Variants in INHBA observed in about 807,000 individuals in gnomAD.
INHBA encodes the protein inhibin subunit beta A.
A neutral mutation model predicts 29.0 loss-of-function variants in INHBA; 1 was observed. The ratio of observed to expected loss-of-function variants is 0.03; its 90% CI spans 0.01 to 0.16. The LOEUF is 0.16. INHBA is among the 10% of genes least tolerant of loss of function. The probability of loss-of-function intolerance (pLI) is 1.00; values close to 1 mark genes in which losing one functional copy is unlikely to be tolerated. For missense variants in INHBA, 376 were observed against 545.4 expected (o/e 0.69, Z 3.09); for synonymous variants, 242 against 216.8 (o/e 1.12, Z -1.02).
At chr7:41,692,083 A>G (rs888250298) in intron 2 of INHBA, 1 of 152,244 alleles carries the variant, frequency 6.6e-6, no homozygotes, top group Admixed American at 6.5e-5. Context: ...TGTATGTTTA[A>G]TGACACAGCA....
Position 41,687,383 on chromosome 7 carries a change from A to C in INHBA, c.*2267T>G, listed in dbSNP as rs1440916847. 2 of 152,118 alleles carry C rather than the reference A, an allele frequency of 1.3e-5. No homozygotes were observed. The highest frequency in any genetic ancestry group is 2.9e-5 in the Non-Finnish European group (2 of 67,998). 9.4% of individuals were successfully genotyped at this position (152,118 alleles called of 1,614,324 possible). A position where few individuals can be genotyped will look rare whatever the true frequency, so the allele number is the denominator to read the frequency against. On this transcript the variant is annotated 3_prime_UTR_variant, in exon 3 of 3. Transcript: ENST00000242208. ...TCCCAATTATTAGAAACTTTTTTCC[A>C]TTTTTCAAAATGTTTGCCAACTTCA...
At chr7:41,692,939 AG>A (rs952009205) in intron 2 of INHBA, among the ~76,000 whole-genome samples, 7 of 152,238 alleles carry the variant, frequency 4.6e-5, no homozygotes, top group African/African-American at 1.7e-4. Context: ...GGTCCTGCCA[AG>A]GCCTTAGGAG....
At chr7:41,696,708 C>A (rs1478192378) in intron 2 of INHBA, among the ~76,000 whole-genome samples, 4 of 152,096 alleles carry the variant, frequency 2.6e-5, no homozygotes, top group Non-Finnish European at 4.4e-5. Context: ...CAGAAAAGTT[C>A]GGAAGGTGGG....
rs1488854597 is a variant in INHBA, at chr7:41,686,648, CA to C, written c.*3001del. On this transcript the variant is annotated 3_prime_UTR_variant, in exon 3 of 3. Transcript: ENST00000242208. ...GTGGGTGTTTGATAACCCAATCACT[CA>C]ATATCCAATTAAAATATGGAATAAG... 1 of 152,122 alleles carries C rather than the reference CA, an allele frequency of 6.6e-6. No homozygotes were observed. Among genetic ancestry groups the C allele is most frequent in the East Asian group, 1.9e-4 (1 of 5,198 alleles). The allele number at this position is 152,122 out of a possible 1,614,324, so 9.4% of individuals were successfully genotyped here.
upstream of INHBA, among the ~76,000 whole-genome samples, chr7:41,703,573 G>GA (rs1329561073): frequency 6.6e-6 from 1 of 152,026 alleles, no homozygotes; most frequent in African/African-American, 2.4e-5. Flanking sequence ...TTTCATTGAG[G>GA]AAAAAAATTG....
At chr7:41,690,871 A>G (rs1333933855) in intron 2 of INHBA, among the ~76,000 whole-genome samples, 1 of 152,224 alleles carries the variant, frequency 6.6e-6, no homozygotes, top group Non-Finnish European at 1.5e-5. Context: ...TTTTTGCACT[A>G]TAATAACCAA....
intron 2 of INHBA, among the ~76,000 whole-genome samples, chr7:41,699,682 A>T (rs1324108536): frequency 6.6e-6 from 1 of 151,906 alleles, no homozygotes; most frequent in Non-Finnish European, 1.5e-5. Flanking sequence ...GCAGCCCCTC[A>T]CAGTCTGCCT....
At chr7:41,691,702 C>T (rs1162515356) in intron 2 of INHBA, 1 of 152,284 alleles carries the variant, frequency 6.6e-6, no homozygotes, top group Non-Finnish European at 1.5e-5. Flanking sequence ...GGAGGCTTAC[C>T]TCACATCACC....
Position 41,690,098 on chromosome 7 carries a change from C to T in INHBA, c.833G>A (p.Gly278Glu), listed in dbSNP as rs1191953816. 6.2e-7 allele frequency: 1 copy of T among 1,613,644 alleles called. No homozygotes were observed. Among genetic ancestry groups the T allele is most frequent in the East Asian group, 2.2e-5 (1 of 44,816 alleles). Residue 278 changes from glycine to glutamate, a missense_variant, in exon 3 of 3, where the codon GGG (glycine) becomes GAG (glutamate). By Grantham distance (98) the Gly-to-Glu change is moderately conservative (BLOSUM62 -2). This residue lies in a region of INHBA where 253 missense variants were observed against 313.4 expected (regional missense o/e 0.81). Transcript: ENST00000242208. ...EGKKKGGGEGGAGADEEKEQS... is the reference protein window; with the variant it reads ...EGKKKGGGEGEAGADEEKEQS... ...CTCCTTTTCCTCATCTGCTCCTGCC[C>T]CACCTTCACCTCCGCCCTTCTTTTT...
rs749995930 is a variant in INHBA at position 41,700,291 on chromosome 7, C to T, written c.84G>A (p.Gly28=). Residue 28 remains glycine, a synonymous_variant, in exon 2 of 3, where the codon GGG becomes GGA. Transcript: ENST00000242208. The part of the protein sequence containing the change: ...VRSSPTPGSE[G]HSAAPDCPSC... ...ACGGACAGTCGGGGGCCGCGCTGTG[C>T]CCCTCGGATCCTGGGGTGGGGGAAC... 2.5e-6 allele frequency: 4 copies of T among 1,585,546 alleles called. No homozygotes were observed. The highest frequency in any genetic ancestry group is 2.2e-5 in the East Asian group (1 of 44,488).
chr7:41,704,959 C>A (rs1221682984), upstream of INHBA, among the ~76,000 whole-genome samples: 3 of 152,140 alleles, frequency 2.0e-5, no homozygotes, highest in African/African-American at 7.2e-5. Context: ...CGAGTGCCCA[C>A]CTGCCAGGCC....
chr7:41,703,512 T>A (rs754261337), upstream of INHBA, among the ~76,000 whole-genome samples: 2 of 152,124 alleles, frequency 1.3e-5, no homozygotes, highest in Non-Finnish European at 2.9e-5. Flanking sequence ...GGAAAGAAAA[T>A]TGGTAGTGTT....
At position 41,700,158 on chromosome 7, in the gene INHBA, C is replaced by G. The variant is rs762653354; in HGVS notation, c.217G>C (p.Asp73His). The G allele has an allele frequency of 6.2e-7, 1 of 1,614,082 alleles. No individual in the cohort carries two copies. The change falls in exon 2 of 3, where the codon GAT becomes CAT. Residue 73 changes from aspartate to histidine, a missense_variant. Transcript: ENST00000242208. ...GCCTTGGGTACCGGCTGGGTGACATCGGGTCTCTTCTTCAAGTGCAGCATG... is the reference window on the plus strand; with the variant it reads ...GCCTTGGGTACCGGCTGGGTGACATGGGGTCTCTTCTTCAAGTGCAGCATG... ...LNMLHLKKRP[D>H]VTQPVPKAAL...
In INHBA at chr7:41,687,803, A is replaced by G. The variant is rs1210838099; in HGVS notation, c.*1847T>C. ...CAAGCCTTAATCATTTTTAAAAAAT[A>G]CACTCAACTCTAATTCTGGCCTAAA... On this transcript the variant is annotated 3_prime_UTR_variant, in exon 3 of 3. Transcript: ENST00000242208. The G allele has an allele frequency of 2.6e-5, 4 of 152,242 alleles. No homozygotes were observed. The highest frequency in any genetic ancestry group is 9.6e-5 in the African/African-American group (4 of 41,466). The allele number at this position is 152,242 out of a possible 1,614,324, so 9.4% of individuals were successfully genotyped here.
At chr7:41,705,252 C>T (rs1157852301), upstream of INHBA, 2 of 152,640 alleles carry the variant, frequency 1.3e-5, no homozygotes, top group African/African-American at 4.8e-5. Context: ...CCAGGCCCTT[C>T]GGGTCCCGGC....
chr7:41,703,261 G>A (rs1300455371), upstream of INHBA, among the ~76,000 whole-genome samples: 9 of 152,156 alleles, frequency 5.9e-5, no homozygotes, highest in African/African-American at 1.9e-4. Context: ...AGCCCTTCCT[G>A]GCTTCTGAGA....
chr7:41,700,275 C>A lies in INHBA; in HGVS notation c.100G>T (p.Asp34Tyr). 6.2e-7 allele frequency: 1 copy of A among 1,600,880 alleles called. No homozygotes were observed. Among genetic ancestry groups the A allele is most frequent in the Admixed American group, 1.7e-5 (1 of 59,464 alleles). The change falls in exon 2 of 3, where the codon GAC (aspartate) becomes TAC (tyrosine). Residue 34 changes from aspartate to tyrosine, a missense_variant. Transcript: ENST00000242208. ...PGSEGHSAAPDCPSCALAALP... is the reference protein window; with the variant it reads ...PGSEGHSAAPYCPSCALAALP... ...GCGGCCAGCGCACAGGACGGACAGT[C>A]GGGGGCCGCGCTGTGCCCCTCGGAT... is the stretch of plus-strand genomic sequence containing the variant.
chr7:41,696,035 CT>C (rs1794639855), intron 2 of INHBA, among the ~76,000 whole-genome samples: 1 of 63,246 alleles, frequency 1.6e-5, no homozygotes, highest in Non-Finnish European at 3.5e-5. Flanking sequence ...CTATTAATCT[CT>C]TTTCCCATCT....
At position 41,689,702 on chromosome 7, in the gene INHBA, A is replaced by T; in HGVS notation, c.1229T>A (p.Ile410Asn). The change falls in exon 3 of 3, where the codon ATC (isoleucine) becomes AAC (asparagine). Residue 410 changes from isoleucine to asparagine, a missense_variant. Ile to Asn is a moderately radical substitution (Grantham distance 149). Coordinates refer to ENST00000242208, the MANE Select transcript of INHBA (RefSeq NM_002192.4). ...SMLYYDDGQN[I>N]IKKDIQNMIV... ...CATGTTCTGAATGTCCTTTTTGATG[A>T]TGTTTTGACCATCATCATAGTACAA... is the stretch of plus-strand genomic sequence containing the variant. 1 of 1,610,340 alleles carries T rather than the reference A, an allele frequency of 6.2e-7. No individual in the cohort carries two copies. The highest frequency in any genetic ancestry group is 1.3e-5 in the African/African-American group (1 of 74,808).
Sources: gnomAD v4.1 joint callset for allele counts (sites outside exome capture counted in the v4.1 genomes callset) on GRCh38, gnomAD v4.1.1 for gene constraint, gnomAD v4.1.1 regional missense constraint, MANE v1.5 for transcripts, NCBI Gene and HGNC (gene_info 2026-07-23, HGNC 2026-07-21) for gene names.